FAM193A: variants seen among roughly 807,000 people sequenced by gnomAD.
FAM193A encodes the protein family with sequence similarity 193 member A.
FAM193A carries 22 observed loss-of-function variants against 126.5 expected under a neutral mutation model. That is an observed-to-expected ratio of 0.17 (90% CI 0.12 to 0.25). The LOEUF is 0.25. Ranked by LOEUF, FAM193A falls within the 10% of genes least tolerant of loss-of-function variation. The probability of loss-of-function intolerance (pLI) is 1.00; values close to 1 mark genes in which losing one functional copy is unlikely to be tolerated. For missense variants in FAM193A, 1,675 were observed against 1,672.8 expected, an observed-to-expected ratio of 1.00 and a Z score of -0.02; for synonymous variants, 761 against 646.8, an observed-to-expected ratio of 1.18 and a Z score of -2.68.
chr4:2,677,138 A>C (rs1380714512), intron 13 of FAM193A, among the ~76,000 whole-genome samples: 1 of 152,160 alleles, frequency 6.6e-6, no homozygotes, highest in Non-Finnish European at 1.5e-5. Context: ...GGTGTTAGGT[A>C]AGGGTCCAAC....
At chr4:2,727,483 A>G (rs1376260270) in intron 20 of FAM193A, among the ~76,000 whole-genome samples, 2 of 152,182 alleles carry the variant, frequency 1.3e-5, no homozygotes. Flanking sequence ...ATTTGAAACA[A>G]AGTTACAGTT....
Position 2,553,376 on chromosome 4 carries a change from C to CTT in FAM193A, c.255+16210_255+16211dup, listed in dbSNP as rs1414434801. Among the ~76,000 whole-genome samples the CTT allele has an allele frequency of 4.6e-3, 570 of 124,064 alleles. 18 individuals carry two copies. Among genetic ancestry groups the CTT allele is most frequent in the Non-Finnish European group, 6.4e-3 (396 of 61,446 alleles). The allele number at this position is 124,064 out of a possible 152,430, so 81.4% of individuals were successfully genotyped here. ...ATTAAGTAAAGTTCTAATTTCCCTT[C>CTT]TTTTTGTTTTTTTTTTTTTTTTTGA... is the stretch of plus-strand genomic sequence containing the variant. On this transcript the variant is annotated intron_variant, in intron 1 of 20. Coordinates refer to ENST00000637812, the MANE Select transcript of FAM193A (RefSeq NM_001366318.2).
chr4:2,678,727 C>A (rs1714742624), intron 13 of FAM193A, among the ~76,000 whole-genome samples: 1 of 152,142 alleles, frequency 6.6e-6, no homozygotes, highest in African/African-American at 2.4e-5. Flanking sequence ...TTCCAACTGA[C>A]CATTGTTAGT....
chr4:2,638,496 C>G (rs1411199117), intron 5 of FAM193A, among the ~76,000 whole-genome samples: 5 of 152,144 alleles, frequency 3.3e-5, no homozygotes, highest in Non-Finnish European at 5.9e-5. Context: ...ATGTTTCAAT[C>G]TGGGAGGCAC....
chr4:2,697,629 G>A (rs1471199754), intron 18 of FAM193A, among the ~76,000 whole-genome samples: 2 of 152,202 alleles, frequency 1.3e-5, no homozygotes, highest in Admixed American at 1.3e-4. Flanking sequence ...CCAGAGGGTG[G>A]GCCCGATGTC....
chr4:2,590,502 A>AC (rs769329655), intron 1 of FAM193A, among the ~76,000 whole-genome samples: 5,835 of 83,632 alleles, frequency 0.07, 1,293 homozygotes, highest in East Asian at 0.098. Flanking sequence ...AAAACAAAAA[A>AC]AAACAAAAAA....
At chr4:2,641,548 G>A (rs367557757) in intron 6 of FAM193A, among the ~76,000 whole-genome samples, 28 of 152,244 alleles carry the variant, frequency 1.8e-4, no homozygotes, top group African/African-American at 6.0e-4. Context: ...CCAGCTACTT[G>A]GGAGGCTGAG....
chr4:2,689,560 G>T lies in FAM193A; in HGVS notation c.2386G>T (p.Ala796Ser), dbSNP rs1337834236. The T allele has an allele frequency of 6.5e-7, 1 of 1,545,992 alleles. No individual in the cohort carries two copies. Among genetic ancestry groups the T allele is most frequent in the African/African-American group, 1.4e-5 (1 of 70,314 alleles). ...NHTNKHQVFN[A>S]SLQDHIYPSC... The stretch of plus-strand genomic sequence containing the variant: ...CACAAATAAGCATCAGGTATTCAAT[G>T]CATCTCTTCAAGACCATATTTATCC... Residue 796 changes from alanine to serine, a missense_variant, in exon 14 of 21, where the codon GCA becomes TCA. By Grantham distance (99) the Ala-to-Ser change is moderately conservative. This residue lies in a region of FAM193A where 1,186 missense variants were observed against 1,109.2 expected (regional missense o/e 1.07). Coordinates refer to ENST00000637812, the MANE Select transcript of FAM193A (RefSeq NM_001366318.2).
chr4:2,706,757 G>C (rs914204034), intron 19 of FAM193A, among the ~76,000 whole-genome samples: 1 of 150,858 alleles, frequency 6.6e-6, no homozygotes, highest in Non-Finnish European at 1.5e-5. Flanking sequence ...AGCTTTTCCA[G>C]CTCAGTATTT....
chr4:2,630,882 G>T, intron 4 of FAM193A, 53 bp from the exon 5 acceptor site: 2 of 1,022,732 alleles, frequency 2.0e-6, no homozygotes, highest in South Asian at 2.8e-5. Flanking sequence ...ACTGACATCA[G>T]AGCACCCATG....
Position 2,663,300 on chromosome 4 carries a change from C to A in FAM193A, c.2079+12C>A. The A allele has an allele frequency of 6.5e-7, 1 of 1,542,544 alleles. No individual in the cohort carries two copies. The highest frequency in any genetic ancestry group is 8.7e-7 in the Non-Finnish European group (1 of 1,145,572). ...ACCCAACACAGCAGGTAGGACTTTG[C>A]TTGCTGTTTTGCCAAGGATCTCTTT... On this transcript the variant is annotated intron_variant, in intron 12 of 20. Coordinates refer to ENST00000637812, the MANE Select transcript of FAM193A (RefSeq NM_001366318.2).
intron 20 of FAM193A, among the ~76,000 whole-genome samples, chr4:2,730,935 G>A (rs570120695): frequency 1.3e-5 from 2 of 152,138 alleles, no homozygotes; most frequent in Admixed American, 6.5e-5. Flanking sequence ...AGTGGCTCAC[G>A]CCTGTAATCC....
intron 1 of FAM193A, among the ~76,000 whole-genome samples, chr4:2,583,108 A>G (rs893357238): frequency 6.6e-6 from 1 of 152,174 alleles, no homozygotes; most frequent in Admixed American, 6.6e-5. Flanking sequence ...AGCTGCAGGC[A>G]CCTGCCACCA....
intron 20 of FAM193A, among the ~76,000 whole-genome samples, chr4:2,728,896 CTTTTTTTTT>C (rs34029424): frequency 8.2e-5 from 8 of 97,146 alleles, no homozygotes; most frequent in African/African-American, 2.6e-4. Context: ...ACCTCCAAAA[CTTTTTTTTT>C]TTTTTTTTTT....
chr4:2,565,251 A>G (rs1404854355), intron 1 of FAM193A, among the ~76,000 whole-genome samples: 1 of 44,274 alleles, frequency 2.3e-5, no homozygotes, highest in African/African-American at 8.4e-5. Context: ...ATGATAGAGT[A>G]GCCTTTTTTT....
chr4:2,585,364 T>C (rs1162083508), intron 1 of FAM193A, among the ~76,000 whole-genome samples: 1 of 152,210 alleles, frequency 6.6e-6, no homozygotes, highest in African/African-American at 2.4e-5. Flanking sequence ...TTCCCATTGT[T>C]TCATGTTTTT....
At chr4:2,561,882 T>A (rs1738637815) in intron 1 of FAM193A, among the ~76,000 whole-genome samples, 1 of 152,204 alleles carries the variant, frequency 6.6e-6, no homozygotes, top group African/African-American at 2.4e-5. Flanking sequence ...TTGAGGCCTT[T>A]TCCCCCCATA....
chr4:2,663,945 C>T (rs761747008), intron 12 of FAM193A, among the ~76,000 whole-genome samples: 47 of 151,950 alleles, frequency 3.1e-4, no homozygotes, highest in Non-Finnish European at 2.4e-4. Flanking sequence ...TCAGCCTGGG[C>T]GACAAAGCAA....
At chr4:2,652,986 A>C (rs1033022598) in intron 7 of FAM193A, among the ~76,000 whole-genome samples, 6 of 152,248 alleles carry the variant, frequency 3.9e-5, no homozygotes, top group Non-Finnish European at 8.8e-5. Flanking sequence ...GGTCTCAGCC[A>C]GGCAGGCCTG....
Sources: allele counts gnomAD v4.1 joint callset (sites outside exome capture counted in the v4.1 genomes callset), GRCh38; gene constraint gnomAD v4.1.1; regional missense constraint gnomAD v4.1.1; transcripts MANE v1.5; gene names NCBI Gene and HGNC (gene_info 2026-07-23, HGNC 2026-07-21).